ZNF888: variants seen among roughly 807,000 people sequenced by gnomAD.
ZNF888 encodes CTD-2331H12.6.
A neutral mutation model predicts 7.2 loss-of-function variants in ZNF888; 5 were observed. That is an observed-to-expected ratio of 0.70 (90% CI 0.36 to 1.46). The LOEUF is 1.46. ZNF888 is among the 40% of genes most tolerant of loss of function. The pLI, the probability that ZNF888 is intolerant of heterozygous loss-of-function variation, is 0.03. For missense variants in ZNF888, 716 were observed against 858.0 expected (o/e 0.83, Z 2.07); for synonymous variants, 240 against 284.3 (o/e 0.84, Z 1.57).
At chr19:52,911,767 T>C (rs1269735934) in intron 4 of ZNF888, among the ~76,000 whole-genome samples, 1 of 152,168 alleles carries the variant, frequency 6.6e-6, no homozygotes, top group African/African-American at 2.4e-5. Context: ...GCTGTAAGAC[T>C]TGCAATAAAT....
chr19:52,916,276 C>G (rs745339434), intron 3 of ZNF888, among the ~76,000 whole-genome samples: 6 of 152,244 alleles, frequency 3.9e-5, no homozygotes, highest in Non-Finnish European at 8.8e-5. Context: ...CCAGGGTGCT[C>G]CAGCCTGGGC....
chr19:52,918,630 T>C (rs1294174172), intron 2 of ZNF888, among the ~76,000 whole-genome samples, 189 bp downstream of exon 2: 1 of 152,036 alleles, frequency 6.6e-6, no homozygotes, highest in Non-Finnish European at 1.5e-5. Flanking sequence ...GTAGCCAGGC[T>C]TTGTGGGCAT....
chr19:52,913,537 C>T (rs562551387), intron 4 of ZNF888, among the ~76,000 whole-genome samples: 53 of 152,080 alleles, frequency 3.5e-4, no homozygotes, highest in African/African-American at 1.1e-3. Flanking sequence ...GTTAGCTAGC[C>T]GGGTTCTGAA....
At chr19:52,918,088 T>C (rs1158115804) in intron 2 of ZNF888, 157 bp from the exon 3 acceptor site, 8 of 1,422,364 alleles carry the variant, frequency 5.6e-6, no homozygotes, top group Middle Eastern at 2.0e-4. Context: ...TAAACTCCTA[T>C]AGGAAAACTC....
chr19:52,906,196 T>A lies in ZNF888; in HGVS notation c.2126A>T (p.Gln709Leu), dbSNP rs1371127035. The change falls in exon 5 of 5, where the codon CAG becomes CTG. Residue 709 changes from glutamine (Q) to leucine (L), a missense_variant. Around this residue, in one of 2 missense-constraint regions of ZNF888, gnomAD observed 697 missense variants for 803.4 expected, o/e 0.87. Coordinates refer to ENST00000638862, the MANE Select transcript of ZNF888 (RefSeq NM_001393938.1). ...AAGTTTCCCTACACCATGGATTGCC[T>A]GATGGTGAATAAGTGTTGACTGTGC... ...FRAQSTLIHHQAIHGVGKLD is the reference protein window; with the variant it reads ...FRAQSTLIHHLAIHGVGKLD 6.2e-7 allele frequency: 1 copy of A among 1,611,002 alleles called. No homozygotes were observed. The highest frequency in any genetic ancestry group is 8.5e-7 in the Non-Finnish European group (1 of 1,178,288).
rs1282941945 is a variant in ZNF888 at position 52,908,161 on chromosome 19, A to G, written c.161T>C (p.Met54Thr). Residue 54 changes from methionine (M) to threonine (T), a missense_variant, in exon 5 of 5, where the codon ATG (methionine) becomes ACG (threonine). Physicochemically the swap from Met to Thr is moderately conservative, Grantham distance 81. This residue lies in a region of ZNF888 where 697 missense variants were observed against 803.4 expected (regional missense o/e 0.87). Coordinates refer to ENST00000638862, the MANE Select transcript of ZNF888 (RefSeq NM_001393938.1). ...LVSLDISSKCMMEFSSIGKGN... is the reference protein window; with the variant it reads ...LVSLDISSKCTMEFSSIGKGN... ...TTTCCCTATTGATGAGAACTCCATC[A>G]TGCATTTGGAAGAGATATCTACAAA... 6.2e-7 allele frequency: 1 copy of G among 1,613,962 alleles called. No individual in the cohort carries two copies. The highest frequency in any genetic ancestry group is 8.5e-7 in the Non-Finnish European group (1 of 1,179,966).
Position 52,905,858 on chromosome 19 carries a change from C to A in ZNF888, c.*307G>T, listed in dbSNP as rs749133403. ...GTAAGATTTCTGTCCAGTATGGATT[C>A]TTTGATGTCTAATGAGGTGTGAACG... On this transcript the variant is annotated 3_prime_UTR_variant, in exon 5 of 5. Transcript: ENST00000638862. The A allele has an allele frequency of 2.0e-5, 15 of 739,650 alleles. No individual in the cohort carries two copies. The highest frequency in any genetic ancestry group is 3.4e-5 in the Non-Finnish European group (14 of 406,894). 45.8% of individuals were successfully genotyped at this position (739,650 alleles called of 1,614,324 possible).
At position 52,919,583 on chromosome 19, in the gene ZNF888, A is replaced by G. The variant is rs1225421733; in HGVS notation, c.-177-646T>C. Among the ~76,000 whole-genome samples, 22 of 69,144 alleles carry G rather than the reference A, an allele frequency of 3.2e-4. 5 individuals are homozygous for G. Among genetic ancestry groups the G allele is most frequent in the East Asian group, 6.2e-4 (2 of 3,214 alleles). The allele number at this position is 69,144 out of a possible 152,430, so 45.4% of individuals were successfully genotyped here. A position where few individuals can be genotyped will look rare whatever the true frequency, so the allele number is the denominator to read the frequency against. ...GCAGGCTCTGCCCAGCCGCCACCCCATCTGGGAAGTGAGGAGCGTCTCTGC... is the reference window on the plus strand; with the variant it reads ...GCAGGCTCTGCCCAGCCGCCACCCCGTCTGGGAAGTGAGGAGCGTCTCTGC... On this transcript the variant is annotated intron_variant, in intron 1 of 4. Transcript: ENST00000638862.
rs2064769967 is a variant in ZNF888 at position 52,917,879 on chromosome 19, A to G, written c.-6T>C. 2 of 1,612,118 alleles carry G rather than the reference A, an allele frequency of 1.2e-6. No homozygotes were observed. Among genetic ancestry groups the G allele is most frequent in the South Asian group, 2.2e-5 (2 of 91,032 alleles). On this transcript the variant is annotated 5_prime_UTR_variant, in exon 3 of 5. Transcript: ENST00000638862. ...CTCACCTGAGGAAGAGCCATCCCTG[A>G]CTCCTTTGCTTTCCTCTTCCTCTTC... is the stretch of plus-strand genomic sequence containing the variant.
Position 52,917,732 on chromosome 19 carries a change from A to G in ZNF888, c.15+127T>C, listed in dbSNP as rs142189089. On this transcript the variant is annotated intron_variant, in intron 3 of 4. Transcript: ENST00000638862. ...AGGTGAGATGAGAGGGACTGAGGGA[A>G]GGCATGGGTGAGTGTGAGCAAACCT... 1,058 of 1,514,442 alleles carry G rather than the reference A, an allele frequency of 7.0e-4. 4 individuals carry two copies. In the African/African-American group the frequency reaches 0.013, roughly 19 times the overall value. The allele number at this position is 1,514,442 out of a possible 1,614,324, so 93.8% of individuals were successfully genotyped here.
intron 1 of ZNF888, chr19:52,921,875 G>A (rs1459057382): frequency 6.5e-6 from 1 of 152,810 alleles, no homozygotes; most frequent in African/African-American, 2.4e-5. Context: ...ATTGCAGTGA[G>A]CCAAGATCGT....
In ZNF888 at chr19:52,908,100, T is replaced by G; in HGVS notation, c.222A>C (p.Gln74His). The change falls in exon 5 of 5, where the codon CAA (glutamine) becomes CAC (histidine). Residue 74 changes from glutamine (Q) to histidine (H), a missense_variant. This residue lies in a region of ZNF888 where 697 missense variants were observed against 803.4 expected (regional missense o/e 0.87). Transcript: ENST00000638862. ...NTEVIHTGTLQRLASHHIGEC... is the reference protein window; with the variant it reads ...NTEVIHTGTLHRLASHHIGEC... ...CTCCAATGTGATGACTTGCCAGTCTTTGCAATGTCCCTGTGTGGATCACTT... is the reference window on the plus strand; with the variant it reads ...CTCCAATGTGATGACTTGCCAGTCTGTGCAATGTCCCTGTGTGGATCACTT... 6.2e-7 allele frequency: 1 copy of G among 1,614,182 alleles called. No homozygotes were observed. Among genetic ancestry groups the G allele is most frequent in the Non-Finnish European group, 8.5e-7 (1 of 1,180,038 alleles).
Position 52,910,149 on chromosome 19 carries a change from C to CAA in ZNF888, c.143-1972_143-1971dup, listed in dbSNP as rs71335690. ...TGGGGACTAGAGCGAGACTTCGTCT[C>CAA]AAAAAAAAAAAAAAAAAAAAAAAAA... On this transcript the variant is annotated intron_variant, in intron 4 of 4. Transcript: ENST00000638862. Among the ~76,000 whole-genome samples, 817 of 83,738 alleles carry CAA rather than the reference C, an allele frequency of 9.8e-3. 56 individuals are homozygous for CAA. Among genetic ancestry groups the CAA allele is most frequent in the African/African-American group, 0.012 (362 of 30,222 alleles). 54.9% of individuals were successfully genotyped at this position (83,738 alleles called of 152,430 possible). A position where few individuals can be genotyped will look rare whatever the true frequency, so the allele number is the denominator to read the frequency against.
At chr19:52,911,295 G>A (rs1345471426) in intron 4 of ZNF888, among the ~76,000 whole-genome samples, 1 of 151,876 alleles carries the variant, frequency 6.6e-6, no homozygotes, top group Non-Finnish European at 1.5e-5. Flanking sequence ...TTAGAGGAGT[G>A]AGCCACCACA....
At chr19:52,919,303 G>C (rs1264539973) in intron 1 of ZNF888, among the ~76,000 whole-genome samples, 1 of 60,336 alleles carries the variant, frequency 1.7e-5, no homozygotes, top group South Asian at 5.6e-4. Flanking sequence ...GAGCGCCTGC[G>C]ATTGCGGGCG....
At chr19:52,916,617 T>TATACATATACATATACATATACATATAC (rs199730498) in intron 3 of ZNF888, among the ~76,000 whole-genome samples, 1 of 16,084 alleles carries the variant, frequency 6.2e-5, no homozygotes, top group African/African-American at 1.2e-4. Flanking sequence ...TACATATACA[T>TATACATATACATATACATATACATATAC]ATATATATAT....
At chr19:52,915,676 C>A (rs1250825646) in intron 3 of ZNF888, among the ~76,000 whole-genome samples, 1 of 151,982 alleles carries the variant, frequency 6.6e-6, no homozygotes, top group Non-Finnish European at 1.5e-5. Flanking sequence ...GGGGTTTCAC[C>A]ATGTTGGCCA....
In ZNF888 at chr19:52,919,548, T is replaced by A. The variant is rs1568749545; in HGVS notation, c.-177-611A>T. Among the ~76,000 whole-genome samples, 2 of 71,272 alleles carry A rather than the reference T, an allele frequency of 2.8e-5. 1 individual carries two copies. The highest frequency in any genetic ancestry group is 6.7e-5 in the Non-Finnish European group (2 of 29,764). 46.8% of individuals were successfully genotyped at this position (71,272 alleles called of 152,430 possible). A position where few individuals can be genotyped will look rare whatever the true frequency, so the allele number is the denominator to read the frequency against. ...AGCCGCCTGCCTTGGCCCCCCAAAG[T>A]GCCGAGATTGCAGGCTCTGCCCAGC... On this transcript the variant is annotated intron_variant, in intron 1 of 4. Coordinates refer to ENST00000638862, the MANE Select transcript of ZNF888 (RefSeq NM_001393938.1).
At position 52,907,052 on chromosome 19, in the gene ZNF888, C is replaced by T; in HGVS notation, c.1270G>A (p.Ala424Thr). ...TGAATTGTCTTGTGAACTAAGAGGG[C>T]TGAATTTTCACCAAACGTTTTGCCA... ...ECGKTFGENS[A>T]LLVHKTIHTG... Residue 424 changes from alanine to threonine, a missense_variant, in exon 5 of 5, where the codon GCC becomes ACC. Physicochemically the swap from Ala to Thr is moderately conservative, Grantham distance 58. This residue lies in a region of ZNF888 where 697 missense variants were observed against 803.4 expected (regional missense o/e 0.87). Transcript: ENST00000638862. 2 of 1,604,022 alleles carry T rather than the reference C, an allele frequency of 1.2e-6. No homozygotes were observed. The highest frequency in any genetic ancestry group is 1.1e-5 in the South Asian group (1 of 90,520).
Sources: gnomAD v4.1 joint callset for allele counts (sites outside exome capture counted in the v4.1 genomes callset) on GRCh38, gnomAD v4.1.1 for gene constraint, gnomAD v4.1.1 regional missense constraint, MANE v1.5 for transcripts, NCBI Gene and HGNC (gene_info 2026-07-23, HGNC 2026-07-21) for gene names.